The following RSRC1 variants were observed in gnomAD, a reference collection of about 807,000 sequenced individuals.
The protein encoded by RSRC1 is serine/Arginine-related protein 53.
A neutral mutation model predicts 49.1 loss-of-function variants in RSRC1; 39 were observed. The observed-to-expected ratio is 0.79, with a 90% CI of 0.61 to 1.04. The LOEUF is 1.04. RSRC1 is among the 50% of genes least tolerant of loss of function. The pLI, the probability that RSRC1 is intolerant of heterozygous loss-of-function variation, is 0.00. For synonymous variants in RSRC1, 143 were observed against 130.8 expected (o/e 1.09, Z -0.63); for missense variants, 388 against 402.4 (o/e 0.96, Z 0.31).
At chr3:158,513,080 C>T (rs1214369421) in intron 7 of RSRC1, among the ~76,000 whole-genome samples, 1 of 143,328 alleles carries the variant, frequency 7.0e-6, no homozygotes, top group African/African-American at 2.7e-5. Context: ...ATTTGACTTC[C>T]TCTTTTCCTA....
At chr3:158,443,285 G>A (rs1736487671) in intron 6 of RSRC1, among the ~76,000 whole-genome samples, 1 of 152,132 alleles carries the variant, frequency 6.6e-6, no homozygotes, top group South Asian at 2.1e-4. Context: ...TTCTTTCCTA[G>A]AAAGCGGTTT....
intron 4 of RSRC1, among the ~76,000 whole-genome samples, chr3:158,240,205 T>C (rs1260828734): frequency 6.6e-6 from 1 of 152,184 alleles, no homozygotes; most frequent in Non-Finnish European, 1.5e-5. Flanking sequence ...CTCATATCTT[T>C]GTCATGTTTT....
intron 3 of RSRC1, among the ~76,000 whole-genome samples, chr3:158,194,313 A>G (rs1237906013): frequency 6.6e-6 from 1 of 151,876 alleles, no homozygotes; most frequent in Non-Finnish European, 1.5e-5. Flanking sequence ...TAGGAAGGAA[A>G]GGAAAGAAGA....
chr3:158,465,436 AC>A (rs2108412427), intron 7 of RSRC1, among the ~76,000 whole-genome samples: 1 of 152,188 alleles, frequency 6.6e-6, no homozygotes, highest in Non-Finnish European at 1.5e-5. Flanking sequence ...ATCACCTAAG[AC>A]CCATAGACCC....
At chr3:158,529,013 G>GA (rs1049207071) in intron 7 of RSRC1, among the ~76,000 whole-genome samples, 1 of 151,264 alleles carries the variant, frequency 6.6e-6, no homozygotes, top group Admixed American at 6.6e-5. Flanking sequence ...AGGCTTAAGG[G>GA]AAAAAAATGC....
intron 5 of RSRC1, among the ~76,000 whole-genome samples, chr3:158,312,529 T>C (rs930520288): frequency 2.0e-5 from 3 of 152,156 alleles, no homozygotes; most frequent in Non-Finnish European, 4.4e-5. Context: ...GTAATTCTTG[T>C]AAATTATAAG....
chr3:158,258,917 T>C (rs1021201442), intron 4 of RSRC1, among the ~76,000 whole-genome samples: 3 of 152,160 alleles, frequency 2.0e-5, no homozygotes, highest in African/African-American at 7.2e-5. Flanking sequence ...TGCAGTCTTT[T>C]TATTAAATTT....
At chr3:158,459,004 AG>A (rs1355040567) in intron 6 of RSRC1, among the ~76,000 whole-genome samples, 1 of 152,150 alleles carries the variant, frequency 6.6e-6, no homozygotes, top group Non-Finnish European at 1.5e-5. Context: ...AAGTGAACTC[AG>A]ATTCTTTATG....
chr3:158,354,988 A>G (rs201295997), intron 6 of RSRC1, 80 bp downstream of exon 6: 1 of 213,666 alleles, frequency 4.7e-6, no homozygotes, highest in Admixed American at 1.3e-4. Flanking sequence ...AGAAATGAGT[A>G]AAAAAAAAAA....
At chr3:158,386,571 A>G (rs9841653) in intron 6 of RSRC1, among the ~76,000 whole-genome samples, 14,093 of 152,036 alleles carry the variant, frequency 0.093, 2,218 homozygotes, top group African/African-American at 0.33. Flanking sequence ...CCAACACACT[A>G]TTATTATGAA....
intron 3 of RSRC1, among the ~76,000 whole-genome samples, chr3:158,175,087 T>G (rs2108243335): frequency 6.6e-6 from 1 of 152,266 alleles, no homozygotes; most frequent in African/African-American, 2.4e-5. Flanking sequence ...GAGCACATTT[T>G]CATGTTTTAG....
chr3:158,530,931 TAAAAA>T (rs564197735), intron 7 of RSRC1, among the ~76,000 whole-genome samples: 2 of 123,550 alleles, frequency 1.6e-5, no homozygotes, highest in Non-Finnish European at 1.7e-5. Flanking sequence ...AAAAGAAACT[TAAAAA>T]AAAAAAAAAA....
chr3:158,237,107 T>C (rs928881757), intron 4 of RSRC1, among the ~76,000 whole-genome samples: 2 of 152,196 alleles, frequency 1.3e-5, no homozygotes, highest in African/African-American at 2.4e-5. Context: ...CAGTTATGTA[T>C]GACAAGAATG....
chr3:158,247,773 C>T (rs1723988374), intron 4 of RSRC1, among the ~76,000 whole-genome samples: 1 of 152,128 alleles, frequency 6.6e-6, no homozygotes, highest in African/African-American at 2.4e-5. Flanking sequence ...CCTCTAGACC[C>T]TCCATCCTAG....
At chr3:158,180,407 T>TGCCG (rs1274181680) in intron 3 of RSRC1, among the ~76,000 whole-genome samples, 1 of 95,234 alleles carries the variant, frequency 1.1e-5, no homozygotes, top group African/African-American at 4.5e-5. Flanking sequence ...TTTTTTTTTT[T>TGCCG]TTTTTTTTTG....
In RSRC1 at chr3:158,238,395, A is replaced by G. The variant is rs149203783; in HGVS notation, c.494+35150A>G. On this transcript the variant is annotated intron_variant, in intron 4 of 9. Coordinates refer to ENST00000611884, the MANE Select transcript of RSRC1 (RefSeq NM_001271838.2). ...AAAGTTCATATGGAACCAAAAAAGA[A>G]CCCGCATCTCCAAGTCAATCCTAAG... is the stretch of plus-strand genomic sequence containing the variant. Among the ~76,000 whole-genome samples the G allele has an allele frequency of 4.8e-3, 723 of 152,194 alleles. 4 individuals are homozygous for G. The highest frequency in any genetic ancestry group is 0.016 in the African/African-American group (672 of 41,524).
intron 4 of RSRC1, among the ~76,000 whole-genome samples, chr3:158,265,885 AG>A (rs1302668099): frequency 6.6e-6 from 1 of 152,168 alleles, no homozygotes; most frequent in African/African-American, 2.4e-5. Context: ...GATGTGAGGT[AG>A]GGATGATTTT....
intron 4 of RSRC1, among the ~76,000 whole-genome samples, chr3:158,256,894 C>A (rs1040396057): frequency 6.6e-6 from 1 of 152,062 alleles, no homozygotes; most frequent in Admixed American, 6.6e-5. Context: ...GTAGTTTGTA[C>A]TTCTGTGGGA....
intron 7 of RSRC1, among the ~76,000 whole-genome samples, chr3:158,467,096 ATTG>A (rs1246016785): frequency 3.3e-5 from 5 of 152,214 alleles, no homozygotes; most frequent in Non-Finnish European, 7.4e-5. Flanking sequence ...AATATAAACT[ATTG>A]TTGTTACTCA....
Sources: gnomAD v4.1 joint callset for allele counts (sites outside exome capture counted in the v4.1 genomes callset) on GRCh38, gnomAD v4.1.1 for gene constraint, MANE v1.5 for transcripts, NCBI Gene and HGNC (gene_info 2026-07-23, HGNC 2026-07-21) for gene names.